The following CHL1 variants were observed in gnomAD, a reference collection of about 807,000 sequenced individuals.
CHL1 encodes neural cell adhesion molecule L1-like protein.
Under a neutral mutation model 141.9 loss-of-function variants are expected in CHL1, and 96 were observed. The observed-to-expected ratio is 0.68, with a 90% CI of 0.57 to 0.80. The LOEUF (loss-of-function observed/expected upper bound fraction) is 0.80, where lower values mean the gene tolerates loss of function less well. Among genes scored for constraint, CHL1 ranks in the 30% least tolerant of loss-of-function variants. The probability of loss-of-function intolerance (pLI) is 0.00; values close to 1 mark genes in which losing one functional copy is unlikely to be tolerated. For missense variants in CHL1, 1,820 were observed against 1,457.2 expected (o/e 1.25, Z -4.05); for synonymous variants, 613 against 502.2 (o/e 1.22, Z -2.95).
At chr3:389,172 T>C (rs868705500) in intron 19 of CHL1, 80 bp from the exon 20 acceptor site, 1 of 1,063,746 alleles carries the variant, frequency 9.4e-7, no homozygotes, top group Middle Eastern at 2.9e-4. Context: ...TTGTTCCTTA[T>C]TCCACTTAGG....
chr3:261,782 T>C (rs1323857208), intron 2 of CHL1, among the ~76,000 whole-genome samples: 1 of 152,118 alleles, frequency 6.6e-6, no homozygotes, highest in Non-Finnish European at 1.5e-5. Context: ...AATAAAAAGA[T>C]AATAATTGGG....
intron 15 of CHL1, 134 bp downstream of exon 15, chr3:366,249 T>C (rs1272191773): frequency 1.3e-6 from 1 of 750,140 alleles, no homozygotes; most frequent in Non-Finnish European, 2.2e-6. Context: ...GGCGAGTGGA[T>C]CACTTGAGGT....
intron 5 of CHL1, among the ~76,000 whole-genome samples, chr3:337,895 G>A (rs1405496755): frequency 6.6e-6 from 1 of 152,118 alleles, no homozygotes; most frequent in African/African-American, 2.4e-5. Flanking sequence ...CCCAGTAATG[G>A]GATGGCTGGG....
intron 2 of CHL1, among the ~76,000 whole-genome samples, chr3:271,074 C>T (rs1240491963): frequency 6.6e-6 from 1 of 152,150 alleles, no homozygotes; most frequent in African/African-American, 2.4e-5. Flanking sequence ...AGTTTGTGGA[C>T]ATGTTTTAAA....
chr3:382,007 C>G (rs986202948), intron 16 of CHL1, among the ~76,000 whole-genome samples, 172 bp from the exon 17 acceptor site: 1 of 142,186 alleles, frequency 7.0e-6, no homozygotes, highest in Non-Finnish European at 1.5e-5. Context: ...GCCTGAATTA[C>G]CCTTGAAACT....
intron 2 of CHL1, among the ~76,000 whole-genome samples, chr3:307,477 C>T (rs1358571037): frequency 1.3e-5 from 2 of 152,196 alleles, no homozygotes; most frequent in African/African-American, 4.8e-5. Context: ...GATTCAGCTA[C>T]ATTTTCGATT....
chr3:318,009 T>C (rs1199679822), intron 2 of CHL1, among the ~76,000 whole-genome samples: 1 of 151,904 alleles, frequency 6.6e-6, no homozygotes, highest in Non-Finnish European at 1.5e-5. Flanking sequence ...CCAATTCCCA[T>C]TTTAAGATGG....
intron 2 of CHL1, among the ~76,000 whole-genome samples, chr3:263,744 G>C (rs1019897934): frequency 1.3e-5 from 2 of 152,132 alleles, no homozygotes; most frequent in Middle Eastern, 3.2e-3. Context: ...GATTTTTATA[G>C]CTCTTCGAAC....
At chr3:297,425 AT>A (rs139337680) in intron 2 of CHL1, among the ~76,000 whole-genome samples, 3,705 of 152,146 alleles carry the variant, frequency 0.024, 142 homozygotes, top group African/African-American at 0.084. Context: ...CTATTTTGGC[AT>A]TATTGGCAGG....
At chr3:338,211 C>G (rs1702084106) in intron 5 of CHL1, among the ~76,000 whole-genome samples, 1 of 152,148 alleles carries the variant, frequency 6.6e-6, no homozygotes, top group African/African-American at 2.4e-5. Context: ...CATTCAGGAT[C>G]AAGTCCAGTC....
intron 2 of CHL1, among the ~76,000 whole-genome samples, chr3:308,388 G>A (rs2124959077): frequency 6.6e-6 from 1 of 152,108 alleles, no homozygotes; most frequent in South Asian, 2.1e-4. Flanking sequence ...ACAAAAAATT[G>A]TGAGCCCTTG....
chr3:292,412 T>C (rs1308739573), intron 2 of CHL1, among the ~76,000 whole-genome samples: 1 of 152,240 alleles, frequency 6.6e-6, no homozygotes, highest in Non-Finnish European at 1.5e-5. Context: ...AATCAGGTTT[T>C]ATAGTCATTC....
intron 2 of CHL1, among the ~76,000 whole-genome samples, chr3:299,560 A>G (rs952063471): frequency 6.6e-6 from 1 of 152,216 alleles, no homozygotes; most frequent in African/African-American, 2.4e-5. Flanking sequence ...TATTAGGTAC[A>G]CATTTTTAAT....
In CHL1 at chr3:367,984, A is replaced by G. The variant is rs150076683; in HGVS notation, c.1751+1869A>G. Among the ~76,000 whole-genome samples, 13 of 152,172 alleles carry G rather than the reference A, an allele frequency of 8.5e-5. No homozygotes were observed. In the East Asian group the frequency reaches 2.3e-3, roughly 27 times the overall value. On this transcript the variant is annotated intron_variant, in intron 15 of 27. Transcript: ENST00000256509. ...GGTGTATCTGTACCACATTTTCTTT[A>G]TCCAGCCTACCACTGATGGGCCTTG...
At position 374,398 on chromosome 3, in the gene CHL1, T is replaced by A. The variant is rs1706035675; in HGVS notation, c.1752-3420T>A. On this transcript the variant is annotated intron_variant, in intron 15 of 27. Transcript: ENST00000256509. ...TATGCCTAAATTCTGCCTCTTTTGT[T>A]ACTACTGCCTGACTATCCGGGGTCT... is the stretch of plus-strand genomic sequence containing the variant. 2.0e-5 allele frequency among the ~76,000 whole-genome samples: 3 copies of A among 152,154 alleles called. No homozygotes were observed. The South Asian group carries it at 6.2e-4, about 32-fold the overall frequency.
intron 1 of CHL1, among the ~76,000 whole-genome samples, chr3:238,056 T>C (rs371359764): frequency 1.3e-5 from 2 of 152,362 alleles, no homozygotes; most frequent in South Asian, 4.1e-4. Flanking sequence ...TTAGACATAT[T>C]GAAGAATTTC....
chr3:283,474 C>T, intron 2 of CHL1, among the ~76,000 whole-genome samples: 1 of 152,174 alleles, frequency 6.6e-6, no homozygotes, highest in East Asian at 1.9e-4. Context: ...ATTCATCCAT[C>T]CTTTTATTCA....
chr3:234,829 C>A (rs1221931322), intron 1 of CHL1, among the ~76,000 whole-genome samples: 1 of 152,118 alleles, frequency 6.6e-6, no homozygotes, highest in Non-Finnish European at 1.5e-5. Context: ...GTAATATGTT[C>A]TTGGATGAAT....
chr3:318,254 G>A (rs758146623), intron 2 of CHL1, among the ~76,000 whole-genome samples: 4 of 151,788 alleles, frequency 2.6e-5, no homozygotes, highest in African/African-American at 9.7e-5. Context: ...AAAGATACAG[G>A]TCTATAATAT....
Sources: gnomAD v4.1 joint callset for allele counts (sites outside exome capture counted in the v4.1 genomes callset) on GRCh38, gnomAD v4.1.1 for gene constraint, MANE v1.5 for transcripts, NCBI Gene and HGNC (gene_info 2026-07-23, HGNC 2026-07-21) for gene names.